SORCS3: variants seen among roughly 807,000 people sequenced by gnomAD.
The protein encoded by SORCS3 is sortilin related VPS10 domain containing receptor 3.
In SORCS3, 57 loss-of-function variants were observed where a neutral mutation model predicts 146.3. The ratio of observed to expected loss-of-function variants is 0.39; its 90% CI spans 0.31 to 0.49. The LOEUF (loss-of-function observed/expected upper bound fraction) is 0.49. Among genes scored for constraint, SORCS3 ranks in the 20% least tolerant of loss-of-function variants. SORCS3 has a pLI of 0.92. For synonymous variants in SORCS3, 653 were observed against 618.5 expected (o/e 1.06, Z -0.83); for missense variants, 1,341 against 1,575.5 (o/e 0.85, Z 2.52).
At chr10:104,853,739 G>A (rs1480623266) in intron 2 of SORCS3, among the ~76,000 whole-genome samples, 1 of 152,158 alleles carries the variant, frequency 6.6e-6, no homozygotes, top group Non-Finnish European at 1.5e-5. Flanking sequence ...GCAGCAGGGC[G>A]GCACATGGTT....
intron 4 of SORCS3, among the ~76,000 whole-genome samples, chr10:105,022,493 G>A (rs544771240): frequency 3.4e-4 from 52 of 151,742 alleles, no homozygotes; most frequent in Non-Finnish European, 6.3e-4. Context: ...GGTAGAGACA[G>A]GTTTTTACTA....
chr10:104,833,317 G>A (rs1490771471), intron 1 of SORCS3, among the ~76,000 whole-genome samples: 3 of 152,202 alleles, frequency 2.0e-5, no homozygotes, highest in African/African-American at 7.2e-5. Context: ...CATGCACGAT[G>A]TTGAGACTCA....
At chr10:104,946,644 A>T (rs1025079191) in intron 3 of SORCS3, among the ~76,000 whole-genome samples, 1 of 152,124 alleles carries the variant, frequency 6.6e-6, no homozygotes, top group African/African-American at 2.4e-5. Context: ...CAAAACCAGA[A>T]GCTGCTTCCA....
chr10:105,250,560 T>G (rs1363474705), intron 22 of SORCS3, among the ~76,000 whole-genome samples: 1 of 152,060 alleles, frequency 6.6e-6, no homozygotes, highest in African/African-American at 2.4e-5. Flanking sequence ...TCCCTGACAT[T>G]GTTCTTTCCT....
chr10:104,753,068 A>G (rs1201429454), intron 1 of SORCS3, among the ~76,000 whole-genome samples: 1 of 152,188 alleles, frequency 6.6e-6, no homozygotes, highest in African/African-American at 2.4e-5. Flanking sequence ...GTAATTTATC[A>G]CTGAAGTAGG....
chr10:104,876,566 G>A (rs2018573722), intron 2 of SORCS3, among the ~76,000 whole-genome samples: 1 of 152,144 alleles, frequency 6.6e-6, no homozygotes, highest in Non-Finnish European at 1.5e-5. Context: ...TTGAAAGTTA[G>A]AAGCCTGGAT....
chr10:104,955,798 C>T (rs114342103), intron 3 of SORCS3, among the ~76,000 whole-genome samples: 1,684 of 152,284 alleles, frequency 0.011, 29 homozygotes, highest in African/African-American at 0.038. Flanking sequence ...ATGCAGGCAC[C>T]ATGGAGCAGA....
chr10:105,158,764 CTG>C (rs2056234138), intron 10 of SORCS3, 126 bp from the exon 11 acceptor site: 2 of 691,222 alleles, frequency 2.9e-6, no homozygotes, highest in African/African-American at 3.6e-5. Flanking sequence ...CTGCCCAAAA[CTG>C]TGTGACTCAC....
chr10:104,815,126 C>A (rs922972351), intron 1 of SORCS3, among the ~76,000 whole-genome samples: 2 of 152,056 alleles, frequency 1.3e-5, no homozygotes, highest in African/African-American at 4.8e-5. Context: ...CAGTGAAACC[C>A]CAGAGATTTA....
rs55977539 is a variant in SORCS3, at chr10:104,886,555, CATCTATCTATCTATCT to C, written c.696-29240_696-29225del. ...TTGTGTATATAATATATAACTCTAT[CATCTATCTATCTATCT>C]ATCTATCTATCTATCTATCTATCTA... On this transcript the variant is annotated intron_variant, in intron 2 of 26. Coordinates refer to ENST00000369701, the MANE Select transcript of SORCS3 (RefSeq NM_014978.3). Among the ~76,000 whole-genome samples the C allele has an allele frequency of 8.7e-4, 111 of 127,034 alleles. 2 individuals carry two copies. The highest frequency in any genetic ancestry group is 3.1e-3 in the East Asian group (15 of 4,916). The allele number at this position is 127,034 out of a possible 152,430, so 83.3% of individuals were successfully genotyped here. A position where few individuals can be genotyped will look rare whatever the true frequency, so the allele number is the denominator to read the frequency against.
intron 3 of SORCS3, among the ~76,000 whole-genome samples, chr10:104,967,410 C>T (rs1240732903): frequency 1.3e-5 from 2 of 152,138 alleles, no homozygotes; most frequent in African/African-American, 4.8e-5. Flanking sequence ...CCCTCTTAAC[C>T]CACTTCCACA....
intron 9 of SORCS3, among the ~76,000 whole-genome samples, chr10:105,152,211 A>G (rs1188999131): frequency 1.3e-5 from 2 of 152,208 alleles, no homozygotes; most frequent in Non-Finnish European, 2.9e-5. Context: ...CCTTACAATA[A>G]TAACCACAGC....
In SORCS3 at chr10:104,703,624, C is replaced by A. The variant is rs1163311868; in HGVS notation, c.627+61670C>A. Reference sequence around the variant, plus strand: ...GAGGGTGGGGGGTGAGGGGAGGGAACTTAGAGGATGGGTAAATAGGTGCAT... The same window carrying A: ...GAGGGTGGGGGGTGAGGGGAGGGAAATTAGAGGATGGGTAAATAGGTGCAT... On this transcript the variant is annotated intron_variant, in intron 1 of 26. Coordinates refer to ENST00000369701, the MANE Select transcript of SORCS3 (RefSeq NM_014978.3). Among the ~76,000 whole-genome samples the A allele has an allele frequency of 2.0e-5, 3 of 150,260 alleles. No homozygotes were observed. In the Admixed American group the frequency reaches 2.0e-4, roughly 10 times the overall value.
intron 1 of SORCS3, among the ~76,000 whole-genome samples, chr10:104,835,304 T>A (rs2133540414): frequency 6.6e-6 from 1 of 152,304 alleles, no homozygotes; most frequent in South Asian, 2.1e-4. Flanking sequence ...GCAACTTTCT[T>A]ATGTTACCAT....
At position 105,147,816 on chromosome 10, in the gene SORCS3, C is replaced by T; in HGVS notation, c.1482+20C>T. On this transcript the variant is annotated intron_variant, in intron 9 of 26. Transcript: ENST00000369701. The stretch of plus-strand genomic sequence containing the variant: ...TATGAGGTATGTAGCCAAAATTCTC[C>T]TTCCCTTGGGTCTGTCTCTCTTTTT... 1.2e-6 allele frequency: 2 copies of T among 1,600,522 alleles called. No individual in the cohort carries two copies. Among genetic ancestry groups the T allele is most frequent in the Non-Finnish European group, 1.7e-6 (2 of 1,171,588 alleles).
chr10:104,863,703 G>T (rs1365879454), intron 2 of SORCS3, among the ~76,000 whole-genome samples: 1 of 152,176 alleles, frequency 6.6e-6, no homozygotes, highest in Non-Finnish European at 1.5e-5. Context: ...CAAGCATCAG[G>T]TAGCTTCATA....
intron 6 of SORCS3, among the ~76,000 whole-genome samples, chr10:105,102,677 G>A (rs2055793362): frequency 6.6e-6 from 1 of 151,614 alleles, no homozygotes; most frequent in African/African-American, 2.4e-5. Flanking sequence ...AATAGAAGTT[G>A]GAAAGGAAAA....
At chr10:105,122,492 G>A (rs2055940661) in intron 7 of SORCS3, among the ~76,000 whole-genome samples, 1 of 152,174 alleles carries the variant, frequency 6.6e-6, no homozygotes, top group Non-Finnish European at 1.5e-5. Context: ...GGTTCTCTCT[G>A]TGACAGAGGT....
At chr10:105,248,014 G>A (rs77928042) in intron 22 of SORCS3, among the ~76,000 whole-genome samples, 1,609 of 152,284 alleles carry the variant, frequency 0.011, 9 homozygotes, top group East Asian at 0.02. Flanking sequence ...CAAGACTACC[G>A]TTGGCCACAG....
Sources: gnomAD v4.1 joint callset for allele counts (sites outside exome capture counted in the v4.1 genomes callset) on GRCh38, gnomAD v4.1.1 for gene constraint, MANE v1.5 for transcripts, NCBI Gene and HGNC (gene_info 2026-07-23, HGNC 2026-07-21) for gene names.